Variants in LRPPRC observed in about 807,000 individuals in gnomAD.
The protein encoded by LRPPRC is leucine rich pentatricopeptide repeat containing.
In LRPPRC, 120 loss-of-function variants were observed where a neutral mutation model predicts 180.3. The observed-to-expected ratio is 0.67, with a 90% CI of 0.57 to 0.77. The LOEUF (loss-of-function observed/expected upper bound fraction) is 0.77, where lower values mean the gene tolerates loss of function less well. Ranked by LOEUF, LRPPRC falls within the 30% of genes least tolerant of loss-of-function variation. LRPPRC has a pLI of 0.00. For missense variants in LRPPRC, 2,012 were observed against 1,657.2 expected (o/e 1.21, Z -3.72); for synonymous variants, 723 against 600.0 (o/e 1.21, Z -3.00).
chr2:43,948,329 T>C, intron 17 of LRPPRC, 83 bp downstream of exon 17: 1 of 959,644 alleles, frequency 1.0e-6, no homozygotes, highest in Admixed American at 1.7e-5. Context: ...AGTGGTCTGG[T>C]TGTACTTAAA....
chr2:43,938,206 C>T (rs971248383), intron 23 of LRPPRC, among the ~76,000 whole-genome samples: 8 of 151,486 alleles, frequency 5.3e-5, no homozygotes, highest in African/African-American at 1.9e-4. Flanking sequence ...AATCAAGACA[C>T]CCCCCTCAAA....
intron 1 of LRPPRC, among the ~76,000 whole-genome samples, chr2:43,994,738 T>G (rs1288541136): frequency 6.6e-6 from 1 of 152,192 alleles, no homozygotes; most frequent in African/African-American, 2.4e-5. Flanking sequence ...TCTCCCCTTC[T>G]CTGGTGGTCA....
intron 23 of LRPPRC, among the ~76,000 whole-genome samples, chr2:43,937,923 CCAA>C (rs2105066337): frequency 6.6e-6 from 1 of 152,194 alleles, no homozygotes; most frequent in African/African-American, 2.4e-5. Flanking sequence ...CTTCTGTGAC[CCAA>C]AGTGATCTGT....
chr2:43,991,527 A>C lies in LRPPRC; in HGVS notation c.149+4272T>G, dbSNP rs1674781155. 1.3e-5 allele frequency among the ~76,000 whole-genome samples: 2 copies of C among 152,234 alleles called. 1 individual carries two copies. Among genetic ancestry groups the C allele is most frequent in the Admixed American group, 1.3e-4 (2 of 15,288 alleles). On this transcript the variant is annotated intron_variant, in intron 1 of 37. Coordinates refer to ENST00000260665, the MANE Select transcript of LRPPRC (RefSeq NM_133259.4). ...TCAAAGCTTATCTTTCCTCTGAAGT[A>C]TACAAGTATTATGCTAAAAACCATC...
rs375017327 is a variant in LRPPRC at position 43,912,436 on chromosome 2, C to T, written c.3271G>A (p.Ala1091Thr). 40 of 1,609,690 alleles carry T rather than the reference C, an allele frequency of 2.5e-5. No individual in the cohort carries two copies. The highest frequency in any genetic ancestry group is 3.2e-5 in the Non-Finnish European group (38 of 1,176,348). ...AATAAATGGACTAACACTTACAATG[C>T]TTTCACTTCCATTGCTTGTGTAAAA... The part of the protein sequence containing the change: ...DYFTQAMEVK[A>T]FAETHIKGFT... Residue 1091 changes from alanine to threonine, a missense_variant, in exon 30 of 38, where the codon GCA becomes ACA. Ala to Thr is a moderately conservative substitution (Grantham distance 58, BLOSUM62 0). Coordinates refer to ENST00000260665, the MANE Select transcript of LRPPRC (RefSeq NM_133259.4).
rs933158530 is a variant in LRPPRC at position 43,976,288 on chromosome 2, A to G, written c.651-59T>C. On this transcript the variant is annotated intron_variant, in intron 5 of 37. Coordinates refer to ENST00000260665, the MANE Select transcript of LRPPRC (RefSeq NM_133259.4). ...TATTTATAAGAACACTCTTTACAAC[A>G]TGTACAGAATTAGGCCTTGAGTTAC... The G allele has an allele frequency of 1.2e-5, 11 of 917,042 alleles. No homozygotes were observed. The African/African-American group carries it at 1.8e-4, about 15-fold the overall frequency. The allele number at this position is 917,042 out of a possible 1,614,324, so 56.8% of individuals were successfully genotyped here. A position where few individuals can be genotyped will look rare whatever the true frequency, so the allele number is the denominator to read the frequency against.
chr2:43,904,147 G>C (rs1670982936), intron 31 of LRPPRC, among the ~76,000 whole-genome samples: 1 of 152,014 alleles, frequency 6.6e-6, no homozygotes, highest in South Asian at 2.1e-4. Context: ...TCGCTACACT[G>C]CCCAGGCTGG....
chr2:43,887,295 CAA>C lies in LRPPRC; in HGVS notation c.*1303_*1304del, dbSNP rs1670303386. The C allele has an allele frequency of 6.6e-6, 1 of 152,176 alleles. No individual in the cohort carries two copies. Among genetic ancestry groups the C allele is most frequent in the Non-Finnish European group, 1.5e-5 (1 of 68,072 alleles). 9.4% of individuals were successfully genotyped at this position (152,176 alleles called of 1,614,324 possible). The stretch of plus-strand genomic sequence containing the variant: ...CCCTGCTTCCTTAAATCTAACGCCA[CAA>C]AAAGAGTTGAAGTAAAAGCCTGGCC... On this transcript the variant is annotated 3_prime_UTR_variant, in exon 38 of 38. Coordinates refer to ENST00000260665, the MANE Select transcript of LRPPRC (RefSeq NM_133259.4).
intron 3 of LRPPRC, among the ~76,000 whole-genome samples, chr2:43,977,543 T>C (rs1674114592): frequency 6.6e-6 from 1 of 152,164 alleles, no homozygotes; most frequent in African/African-American, 2.4e-5. Flanking sequence ...CACAAAATTA[T>C]CTTCCTGTTA....
chr2:43,982,974 T>C (rs983649574), intron 1 of LRPPRC, among the ~76,000 whole-genome samples: 1 of 151,982 alleles, frequency 6.6e-6, no homozygotes, highest in African/African-American at 2.4e-5. Flanking sequence ...TAATTTCTAA[T>C]CTGTCTAAAT....
At position 43,973,916 on chromosome 2, in the gene LRPPRC, C is replaced by A; in HGVS notation, c.1156-16G>T. The stretch of plus-strand genomic sequence containing the variant: ...TCTCCACAGGCTGTGGGAAAAAAGT[C>A]ACCACATTAGCTGGATTGGCAAACA... On this transcript the variant is annotated splice_polypyrimidine_tract_variant and intron_variant, in intron 9 of 37. Coordinates refer to ENST00000260665, the MANE Select transcript of LRPPRC (RefSeq NM_133259.4). 1.4e-6 allele frequency: 2 copies of A among 1,468,244 alleles called. No homozygotes were observed. The highest frequency in any genetic ancestry group is 2.3e-5 in the East Asian group (1 of 44,112). The allele number at this position is 1,468,244 out of a possible 1,614,324, so 91.0% of individuals were successfully genotyped here.
chr2:43,915,220 TCTCTCTCTCTCTCACACA>T (rs1457758862), intron 29 of LRPPRC, among the ~76,000 whole-genome samples: 17 of 105,030 alleles, frequency 1.6e-4, no homozygotes, highest in African/African-American at 6.0e-4. Context: ...TCTCTCTCTC[TCTCTCTCTCTCTCACACA>T]CACACACACA....
chr2:43,972,470 T>A (rs180721726), intron 11 of LRPPRC, among the ~76,000 whole-genome samples: 198 of 152,226 alleles, frequency 1.3e-3, no homozygotes, highest in Admixed American at 9.9e-3. Flanking sequence ...ACCAAAAAAA[T>A]TTTCATACTT....
chr2:43,958,819 T>C (rs935063152), intron 13 of LRPPRC, among the ~76,000 whole-genome samples: 1 of 152,282 alleles, frequency 6.6e-6, no homozygotes, highest in South Asian at 2.1e-4. Context: ...CCAGCAATCA[T>C]AGAACGAACC....
At chr2:43,960,688 T>C in intron 12 of LRPPRC, 54 bp from the exon 13 acceptor site, 1 of 876,882 alleles carries the variant, frequency 1.1e-6, no homozygotes, top group Non-Finnish European at 2.0e-6. Context: ...AATATTTTGA[T>C]AAGCCAAAGA....
chr2:43,897,847 T>C (rs184643997), intron 34 of LRPPRC, among the ~76,000 whole-genome samples: 24 of 152,314 alleles, frequency 1.6e-4, no homozygotes, highest in African/African-American at 5.3e-4. Flanking sequence ...AGTGCCACTT[T>C]CTAAAGAACT....
Position 43,901,365 on chromosome 2 carries a change from G to A in LRPPRC, c.3524C>T (p.Ser1175Leu), listed in dbSNP as rs1313891160. Residue 1175 changes from serine (S) to leucine (L), a missense_variant, in exon 32 of 38, where the codon TCA becomes TTA. Ser to Leu is a moderately radical substitution (Grantham distance 145). Transcript: ENST00000260665. ...LNGLEDSIGL[S>L]KMVFINNIAL... ...AATGTTATTGATGAAAACCATTTTT[G>A]AAAGTCCAATGGAGTCTTCGAGTCC... 1 of 1,613,836 alleles carries A rather than the reference G, an allele frequency of 6.2e-7. No homozygotes were observed. Among genetic ancestry groups the A allele is most frequent in the Non-Finnish European group, 8.5e-7 (1 of 1,179,892 alleles).
chr2:43,914,688 C>G (rs959395121), intron 29 of LRPPRC, among the ~76,000 whole-genome samples: 3 of 151,678 alleles, frequency 2.0e-5, no homozygotes, highest in Non-Finnish European at 4.4e-5. Flanking sequence ...AGATTTGCGC[C>G]ACCGCACTCC....
At chr2:43,991,109 A>G (rs1674759159) in intron 1 of LRPPRC, among the ~76,000 whole-genome samples, 1 of 151,134 alleles carries the variant, frequency 6.6e-6, no homozygotes, top group Non-Finnish European at 1.5e-5. Context: ...TGCTCACTAC[A>G]AGCTCCGCCT....
Sources: allele counts gnomAD v4.1 joint callset (sites outside exome capture counted in the v4.1 genomes callset), GRCh38; gene constraint gnomAD v4.1.1; transcripts MANE v1.5; gene names NCBI Gene and HGNC (gene_info 2026-07-23, HGNC 2026-07-21).